SFMBT1: variants seen among roughly 807,000 people sequenced by gnomAD.
SFMBT1 encodes Scm like with four mbt domains 1, also known as scm-like with four MBT domains protein 1.
In SFMBT1, 32 loss-of-function variants were observed where a neutral mutation model predicts 108.7. The ratio of observed to expected loss-of-function variants is 0.29; its 90% CI spans 0.22 to 0.40. The LOEUF is 0.40. SFMBT1 is among the 10% of genes least tolerant of loss of function. The pLI is 1.00. For missense variants in SFMBT1, 816 were observed against 1,059.6 expected, an observed-to-expected ratio of 0.77 and a Z score of 3.19; for synonymous variants, 348 against 369.5, an observed-to-expected ratio of 0.94 and a Z score of 0.67.
chr3:52,930,882 C>A (rs900646474), intron 7 of SFMBT1, 59 bp downstream of exon 7: 1 of 1,417,112 alleles, frequency 7.1e-7, no homozygotes, highest in Non-Finnish European at 1.0e-6. Context: ...TCACCTCCTG[C>A]GTTGCTTTAC....
chr3:53,007,340 A>C (rs1463734855), intron 1 of SFMBT1, among the ~76,000 whole-genome samples: 1 of 152,254 alleles, frequency 6.6e-6, no homozygotes, highest in African/African-American at 2.4e-5. Context: ...TGTATCAAAA[A>C]GTCACTCTAA....
intron 4 of SFMBT1, among the ~76,000 whole-genome samples, chr3:52,935,323 C>T (rs1426821309): frequency 6.6e-6 from 1 of 152,194 alleles, no homozygotes; most frequent in Non-Finnish European, 1.5e-5. Context: ...GGGCTTAATC[C>T]AGCCTGCTGT....
chr3:52,959,805 A>G (rs1186196949), intron 2 of SFMBT1, among the ~76,000 whole-genome samples: 1 of 152,130 alleles, frequency 6.6e-6, no homozygotes, highest in African/African-American at 2.4e-5. Flanking sequence ...TCTATAATCC[A>G]ATAATCTCAC....
chr3:52,994,428 A>ACTAT (rs2106901223), intron 1 of SFMBT1, among the ~76,000 whole-genome samples: 1 of 149,602 alleles, frequency 6.7e-6, no homozygotes, highest in Non-Finnish European at 1.5e-5. Flanking sequence ...CAACTATTGA[A>ACTAT]CTATCTTTCA....
At chr3:52,975,157 T>C (rs1033229227) in intron 1 of SFMBT1, among the ~76,000 whole-genome samples, 1 of 151,914 alleles carries the variant, frequency 6.6e-6, no homozygotes, top group Non-Finnish European at 1.5e-5. Flanking sequence ...TAACCTAAAC[T>C]GGAAAAAAAG....
chr3:53,043,671 C>G (rs761987425), intron 1 of SFMBT1, among the ~76,000 whole-genome samples: 2 of 152,172 alleles, frequency 1.3e-5, no homozygotes, highest in Non-Finnish European at 2.9e-5. Flanking sequence ...CATAAGGACT[C>G]CCAAGAACTA....
chr3:52,989,531 T>A (rs960436204), intron 1 of SFMBT1, among the ~76,000 whole-genome samples: 2 of 151,874 alleles, frequency 1.3e-5, no homozygotes, highest in African/African-American at 4.8e-5. Flanking sequence ...CCAGGTGTGG[T>A]GGCTCACACC....
intron 10 of SFMBT1, among the ~76,000 whole-genome samples, chr3:52,925,088 G>A (rs981006141): frequency 2.0e-5 from 3 of 152,136 alleles, no homozygotes; most frequent in South Asian, 4.2e-4. Flanking sequence ...GAGTGTGCTG[G>A]TGGGCGCCTG....
intron 1 of SFMBT1, among the ~76,000 whole-genome samples, chr3:52,999,884 A>G (rs1698479385): frequency 6.7e-6 from 1 of 149,796 alleles, no homozygotes; most frequent in Non-Finnish European, 1.5e-5. Flanking sequence ...TTGGAGACAG[A>G]GTATCGCTCT....
chr3:52,927,360 T>C lies in SFMBT1; in HGVS notation c.1048+831A>G, dbSNP rs183277348. Among the ~76,000 whole-genome samples, 148 of 152,326 alleles carry C rather than the reference T, an allele frequency of 9.7e-4. 2 individuals are homozygous for C. The highest frequency in any genetic ancestry group is 4.9e-3 in the Admixed American group (75 of 15,290). On this transcript the variant is annotated intron_variant, in intron 9 of 20. Transcript: ENST00000394752. ...GAATGTTTGTTGAATGAATAAAAGC[T>C]GAATGGAAGACAAAGGTTCTGAGTT... is the stretch of plus-strand genomic sequence containing the variant.
At chr3:52,971,825 G>A (rs1011726410) in intron 1 of SFMBT1, among the ~76,000 whole-genome samples, 1 of 152,186 alleles carries the variant, frequency 6.6e-6, no homozygotes, top group African/African-American at 2.4e-5. Flanking sequence ...GACTATTCCA[G>A]GCACCAAGAA....
chr3:52,962,356 T>C (rs1172851869), intron 2 of SFMBT1, among the ~76,000 whole-genome samples: 1 of 152,200 alleles, frequency 6.6e-6, no homozygotes, highest in Non-Finnish European at 1.5e-5. Flanking sequence ...AATAAGGAAA[T>C]GGTTGAATAA....
At chr3:52,948,825 A>ATTTTTTTTTTTTTTTTTTTTTTTTTTT (rs71615878) in intron 3 of SFMBT1, among the ~76,000 whole-genome samples, 1 of 78,284 alleles carries the variant, frequency 1.3e-5, no homozygotes, top group Non-Finnish European at 2.4e-5. Flanking sequence ...CTAATTTTTA[A>ATTTTTTTTTTTTTTTTTTTTTTTTTTT]TTTTTTTTTT....
Position 53,003,382 on chromosome 3 carries a change from C to T in SFMBT1, c.-130-34124G>A, listed in dbSNP as rs560656522. Among the ~76,000 whole-genome samples, 3 of 149,632 alleles carry T rather than the reference C, an allele frequency of 2.0e-5. 1 individual carries two copies. The highest frequency in any genetic ancestry group is 3.0e-5 in the Non-Finnish European group (2 of 66,970). ...TTAAAAAGTCATCATTTTAGAGATACTGAATTATTTATGAAATAATACTTG... is the reference window on the plus strand; with the variant it reads ...TTAAAAAGTCATCATTTTAGAGATATTGAATTATTTATGAAATAATACTTG... On this transcript the variant is annotated intron_variant, in intron 1 of 20. Coordinates refer to ENST00000394752, the MANE Select transcript of SFMBT1 (RefSeq NM_016329.4).
chr3:52,979,576 A>C (rs536009339), intron 1 of SFMBT1, among the ~76,000 whole-genome samples: 1 of 152,218 alleles, frequency 6.6e-6, no homozygotes, highest in Non-Finnish European at 1.5e-5. Flanking sequence ...ATCCGGTCAC[A>C]AGACCCCATC....
chr3:52,925,122 G>A (rs917019477), intron 10 of SFMBT1, among the ~76,000 whole-genome samples: 6 of 152,078 alleles, frequency 3.9e-5, no homozygotes, highest in Admixed American at 1.3e-4. Flanking sequence ...TTGGGAGGCC[G>A]AGGCAGGAGA....
chr3:52,953,305 T>A (rs143452360), intron 3 of SFMBT1, among the ~76,000 whole-genome samples: 2 of 152,138 alleles, frequency 1.3e-5, no homozygotes, highest in African/African-American at 4.8e-5. Context: ...TACTAAAAAT[T>A]AGCTGGGTGT....
At chr3:52,997,482 G>A (rs1698377483) in intron 1 of SFMBT1, among the ~76,000 whole-genome samples, 2 of 149,048 alleles carry the variant, frequency 1.3e-5, no homozygotes, top group South Asian at 4.3e-4. Flanking sequence ...CTTGTAGTGA[G>A]CCGAGATCAT....
At chr3:52,960,287 T>C (rs554092870) in intron 2 of SFMBT1, among the ~76,000 whole-genome samples, 6 of 152,264 alleles carry the variant, frequency 3.9e-5, no homozygotes, top group South Asian at 2.1e-4. Context: ...TCAACAAAGT[T>C]ACCTTTGGGG....
Sources: gnomAD v4.1 joint callset for allele counts (sites outside exome capture counted in the v4.1 genomes callset) on GRCh38, gnomAD v4.1.1 for gene constraint, MANE v1.5 for transcripts, NCBI Gene and HGNC (gene_info 2026-07-23, HGNC 2026-07-21) for gene names.